Variants in FAM135B observed in about 807,000 individuals in gnomAD.
FAM135B encodes protein FAM135B.
In FAM135B, 43 loss-of-function variants were observed where a neutral mutation model predicts 127.7. That is an observed-to-expected ratio of 0.34 (90% CI 0.26 to 0.43). FAM135B has a LOEUF of 0.43. Among genes scored for constraint, FAM135B ranks in the 20% least tolerant of loss-of-function variants. FAM135B has a pLI of 1.00. For missense variants in FAM135B, 1,558 were observed against 1,725.6 expected (o/e 0.90, Z 1.72); for synonymous variants, 670 against 665.1 (o/e 1.01, Z -0.11).
intron 9 of FAM135B, among the ~76,000 whole-genome samples, chr8:138,183,757 G>A (rs919103019): frequency 3.3e-5 from 5 of 152,206 alleles, no homozygotes; most frequent in African/African-American, 1.2e-4. Context: ...GTTGTTCCGG[G>A]AGACTTTCTA....
At chr8:138,307,550 C>T (rs1365580574) in intron 3 of FAM135B, among the ~76,000 whole-genome samples, 2 of 152,124 alleles carry the variant, frequency 1.3e-5, no homozygotes, top group East Asian at 3.9e-4. Flanking sequence ...CACCTGCAAG[C>T]TTCCCTTGAA....
intron 2 of FAM135B, among the ~76,000 whole-genome samples, chr8:138,338,116 T>A (rs554679171): frequency 6.6e-6 from 1 of 152,140 alleles, no homozygotes; most frequent in Admixed American, 6.6e-5. Flanking sequence ...ATTCAAGATG[T>A]ATTAAAGACT....
At chr8:138,303,006 C>T (rs188185924) in intron 3 of FAM135B, among the ~76,000 whole-genome samples, 61 of 152,294 alleles carry the variant, frequency 4.0e-4, no homozygotes, top group African/African-American at 1.5e-3. Flanking sequence ...ATTAGTTCAA[C>T]CATTGTGGAA....
intron 1 of FAM135B, among the ~76,000 whole-genome samples, chr8:138,457,301 G>A (rs1587500060): frequency 6.6e-6 from 1 of 152,276 alleles, no homozygotes; most frequent in East Asian, 1.9e-4. Flanking sequence ...AGAGACGGCT[G>A]GAGATGGTGT....
intron 1 of FAM135B, among the ~76,000 whole-genome samples, chr8:138,406,091 G>A (rs1833468727): frequency 6.8e-6 from 1 of 147,686 alleles, no homozygotes; most frequent in Admixed American, 6.7e-5. Flanking sequence ...ATTTGTTTGA[G>A]TTCATTGTAG....
intron 1 of FAM135B, among the ~76,000 whole-genome samples, chr8:138,401,848 G>A (rs1833172348): frequency 6.6e-6 from 1 of 152,174 alleles, no homozygotes; most frequent in South Asian, 2.1e-4. Flanking sequence ...TCTGAGAACG[G>A]TCTGGCTTAA....
chr8:138,316,837 G>A (rs142861193), intron 2 of FAM135B, among the ~76,000 whole-genome samples: 4,601 of 151,878 alleles, frequency 0.03, 116 homozygotes, highest in Middle Eastern at 0.045. Flanking sequence ...AAAGTAAGCC[G>A]GGCGTGGTGG....
intron 1 of FAM135B, among the ~76,000 whole-genome samples, chr8:138,445,449 T>A (rs1221245700): frequency 1.3e-5 from 2 of 152,170 alleles, no homozygotes; most frequent in African/African-American, 4.8e-5. Flanking sequence ...AAAAAGCTTA[T>A]CCACCATGAT....
intron 1 of FAM135B, among the ~76,000 whole-genome samples, chr8:138,385,461 C>A (rs569480373): frequency 2.0e-5 from 3 of 152,252 alleles, no homozygotes; most frequent in South Asian, 2.1e-4. Context: ...AAACATTGAG[C>A]CCAGTCTTAA....
intron 12 of FAM135B, among the ~76,000 whole-genome samples, chr8:138,156,224 A>G (rs1818726932): frequency 6.6e-6 from 1 of 152,260 alleles, no homozygotes; most frequent in African/African-American, 2.4e-5. Flanking sequence ...TGAAGGCAGA[A>G]ATAAAGATGT....
At chr8:138,266,616 T>C (rs4909415) in intron 3 of FAM135B, among the ~76,000 whole-genome samples, 99,845 of 147,954 alleles carry the variant, frequency 0.67, 34,025 homozygotes, top group African/African-American at 0.78. Context: ...TGTATATATA[T>C]GTATATATGT....
intron 13 of FAM135B, among the ~76,000 whole-genome samples, chr8:138,150,843 TATTAA>T (rs1390264304): frequency 3.3e-5 from 5 of 152,090 alleles, no homozygotes; most frequent in African/African-American, 9.7e-5. Context: ...TCTAATATAT[TATTAA>T]ATTAAACATT....
chr8:138,465,828 A>G (rs748199879), intron 1 of FAM135B, among the ~76,000 whole-genome samples: 3 of 151,150 alleles, frequency 2.0e-5, no homozygotes, highest in African/African-American at 2.4e-5. Context: ...CCCAGGCTGG[A>G]GTATGCAGTG....
chr8:138,143,897 A>T (rs1817431524), intron 15 of FAM135B, among the ~76,000 whole-genome samples: 1 of 152,182 alleles, frequency 6.6e-6, no homozygotes, highest in African/African-American at 2.4e-5. Flanking sequence ...GTTGGAGGAT[A>T]GGAGTGGTGA....
intron 7 of FAM135B, among the ~76,000 whole-genome samples, chr8:138,200,626 C>T (rs1261382389): frequency 7.9e-5 from 12 of 152,092 alleles, no homozygotes; most frequent in African/African-American, 2.7e-4. Flanking sequence ...ATGAAGTGTC[C>T]CATTCCCCCC....
intron 1 of FAM135B, among the ~76,000 whole-genome samples, chr8:138,457,707 C>T (rs1430051375): frequency 1.3e-5 from 2 of 152,172 alleles, no homozygotes; most frequent in Non-Finnish European, 2.9e-5. Context: ...CATAGTGGCT[C>T]ACGCCTGTAA....
rs577641984 is a variant in FAM135B, at chr8:138,447,632, C to A, written c.-20+49039G>T. Reference sequence around the variant, plus strand: ...GAACACTTGTACACAGGAAGGGGGACATGACACACCGGGGCCTGTTGTGGG... The same window carrying A: ...GAACACTTGTACACAGGAAGGGGGAAATGACACACCGGGGCCTGTTGTGGG... On this transcript the variant is annotated intron_variant, in intron 1 of 19. Coordinates refer to ENST00000395297, the MANE Select transcript of FAM135B (RefSeq NM_015912.4). Among the ~76,000 whole-genome samples, 147 of 134,568 alleles carry A rather than the reference C, an allele frequency of 1.1e-3. 1 individual carries two copies. The highest frequency in any genetic ancestry group is 3.9e-3 in the African/African-American group (138 of 34,996). 88.3% of individuals were successfully genotyped at this position (134,568 alleles called of 152,430 possible).
rs117698078 is a variant in FAM135B, at chr8:138,478,026, G to A, written c.-20+18645C>T. ...GCATGAGCCAGATCTGTTGTTGCAC[G>A]AGAGAAATAAAACCCTATTTGGATA... is the stretch of plus-strand genomic sequence containing the variant. On this transcript the variant is annotated intron_variant, in intron 1 of 19. Coordinates refer to ENST00000395297, the MANE Select transcript of FAM135B (RefSeq NM_015912.4). Among the ~76,000 whole-genome samples the A allele has an allele frequency of 2.1e-3, 322 of 152,228 alleles. 8 individuals carry two copies. In the East Asian group the frequency reaches 0.043, roughly 20 times the overall value.
intron 1 of FAM135B, among the ~76,000 whole-genome samples, chr8:138,416,149 C>T (rs535935028): frequency 6.6e-6 from 1 of 152,186 alleles, no homozygotes; most frequent in South Asian, 2.1e-4. Flanking sequence ...TCCCTTGATC[C>T]CCCAGGACAA....
Sources: gnomAD v4.1 joint callset for allele counts (sites outside exome capture counted in the v4.1 genomes callset) on GRCh38, gnomAD v4.1.1 for gene constraint, MANE v1.5 for transcripts, NCBI Gene and HGNC (gene_info 2026-07-23, HGNC 2026-07-21) for gene names.